The following SLC4A10 variants were observed in gnomAD, a reference collection of about 807,000 sequenced individuals.
The protein encoded by SLC4A10 is solute carrier family 4 member 10, also known as sodium-driven chloride bicarbonate exchanger.
Under a neutral mutation model 137.7 loss-of-function variants are expected in SLC4A10, and 42 were observed. The observed-to-expected ratio is 0.30, with a 90% CI of 0.24 to 0.39. The LOEUF is 0.39. Ranked by LOEUF, SLC4A10 falls within the 10% of genes least tolerant of loss-of-function variation. The pLI is 1.00. For missense variants in SLC4A10, 925 were observed against 1,355.0 expected, an observed-to-expected ratio of 0.68 and a Z score of 4.98; for synonymous variants, 474 against 464.1, an observed-to-expected ratio of 1.02 and a Z score of -0.27.
chr2:161,808,715 G>A (rs2056254856), intron 3 of SLC4A10, among the ~76,000 whole-genome samples: 1 of 152,098 alleles, frequency 6.6e-6, no homozygotes, highest in Admixed American at 6.6e-5. Context: ...ATGATCTCCA[G>A]CTGCATTCAT....
rs1018907037 is a variant in SLC4A10, at chr2:161,832,358, G to A, written c.278-7431G>A. On this transcript the variant is annotated intron_variant, in intron 3 of 26. Coordinates refer to ENST00000446997, the MANE Select transcript of SLC4A10 (RefSeq NM_001178015.2). ...ATCCTGATACCCTTCACAATTCTTG[G>A]CAGTTTTGGCAGTGAGGAAGGGATA... 3.4e-4 allele frequency among the ~76,000 whole-genome samples: 52 copies of A among 152,266 alleles called. 1 individual carries two copies. The Middle Eastern group carries it at 0.01, about 30-fold the overall frequency.
In SLC4A10 at chr2:161,757,738, A is replaced by G. The variant is rs760439595; in HGVS notation, c.49-13235A>G. On this transcript the variant is annotated intron_variant, in intron 1 of 26. Transcript: ENST00000446997. ...CCAATTGAAAGTATGAATTCAATAC[A>G]TGGGAACTATTTGTAGCTACAATGC... 4.5e-4 allele frequency among the ~76,000 whole-genome samples: 68 copies of G among 152,268 alleles called. 1 individual carries two copies. Among genetic ancestry groups the G allele is most frequent in the Admixed American group, 5.9e-4 (9 of 15,288 alleles).
At chr2:161,702,909 A>T (rs946473262) in intron 1 of SLC4A10, among the ~76,000 whole-genome samples, 1 of 151,796 alleles carries the variant, frequency 6.6e-6, no homozygotes, top group Non-Finnish European at 1.5e-5. Context: ...TACAAAGATA[A>T]GTCTATTTGG....
chr2:161,819,173 A>G (rs898582669), intron 3 of SLC4A10, among the ~76,000 whole-genome samples: 5 of 152,126 alleles, frequency 3.3e-5, no homozygotes, highest in Non-Finnish European at 7.4e-5. Flanking sequence ...CAGGTAAAAG[A>G]ATAGGCCTTT....
At chr2:161,784,302 A>G (rs1164323006) in intron 2 of SLC4A10, among the ~76,000 whole-genome samples, 2 of 151,866 alleles carry the variant, frequency 1.3e-5, no homozygotes, top group Non-Finnish European at 2.9e-5. Flanking sequence ...ATATTTCAAT[A>G]CCTCATTTTG....
At chr2:161,923,982 A>G (rs1688615826) in intron 15 of SLC4A10, among the ~76,000 whole-genome samples, 1 of 152,134 alleles carries the variant, frequency 6.6e-6, no homozygotes, top group African/African-American at 2.4e-5. Flanking sequence ...ACCTGGCTGG[A>G]GACCTCAGTG....
intron 23 of SLC4A10, among the ~76,000 whole-genome samples, chr2:161,967,221 C>G (rs1315018648): frequency 6.6e-6 from 1 of 152,142 alleles, no homozygotes; most frequent in Non-Finnish European, 1.5e-5. Flanking sequence ...CCATTAGGTT[C>G]ATTGGCGTGT....
intron 15 of SLC4A10, among the ~76,000 whole-genome samples, chr2:161,936,078 G>A (rs1181456934): frequency 6.6e-6 from 1 of 152,052 alleles, no homozygotes; most frequent in East Asian, 1.9e-4. Flanking sequence ...TTAATGTAGT[G>A]TATCACATTT....
chr2:161,809,373 A>C (rs181625126), intron 3 of SLC4A10, among the ~76,000 whole-genome samples: 1 of 152,170 alleles, frequency 6.6e-6, no homozygotes, highest in East Asian at 1.9e-4. Flanking sequence ...GAGGCTCTTT[A>C]GTTTAATTAG....
chr2:161,745,090 A>G (rs1490621429), intron 1 of SLC4A10, among the ~76,000 whole-genome samples: 1 of 152,034 alleles, frequency 6.6e-6, no homozygotes, highest in African/African-American at 2.4e-5. Context: ...TTGAATATTG[A>G]TATTTTTCTC....
intron 6 of SLC4A10, among the ~76,000 whole-genome samples, chr2:161,870,033 A>T (rs1015763256): frequency 9.9e-5 from 15 of 151,454 alleles, no homozygotes; most frequent in Admixed American, 5.3e-4. Flanking sequence ...TTATAAAAAT[A>T]GTTTCTAAAT....
chr2:161,851,841 C>A (rs1296551043), intron 4 of SLC4A10, among the ~76,000 whole-genome samples: 4 of 152,086 alleles, frequency 2.6e-5, no homozygotes, highest in Non-Finnish European at 5.9e-5. Flanking sequence ...GAAGACTTTT[C>A]AGGATTTTGT....
intron 1 of SLC4A10, among the ~76,000 whole-genome samples, chr2:161,662,644 C>A (rs937377736): frequency 6.6e-6 from 1 of 152,138 alleles, no homozygotes; most frequent in Non-Finnish European, 1.5e-5. Context: ...GAAACCAGTA[C>A]ATTTCAACTT....
At chr2:161,656,312 T>C (rs1043591568) in intron 1 of SLC4A10, among the ~76,000 whole-genome samples, 2 of 152,234 alleles carry the variant, frequency 1.3e-5, no homozygotes, top group African/African-American at 2.4e-5. Flanking sequence ...AGGATTCTTT[T>C]GTATTTTGAG....
intron 1 of SLC4A10, among the ~76,000 whole-genome samples, chr2:161,652,441 A>T (rs1386343772): frequency 6.6e-6 from 1 of 152,172 alleles, no homozygotes; most frequent in Non-Finnish European, 1.5e-5. Context: ...ACACACACAC[A>T]TATGTGAAGA....
chr2:161,636,869 T>A (rs1470893682), intron 1 of SLC4A10, among the ~76,000 whole-genome samples: 1 of 150,926 alleles, frequency 6.6e-6, no homozygotes, highest in Non-Finnish European at 1.5e-5. Flanking sequence ...AATTTTTTTA[T>A]TTTTTTATTT....
chr2:161,644,068 C>CTTTTTTT (rs5835873), intron 1 of SLC4A10, among the ~76,000 whole-genome samples: 3 of 143,730 alleles, frequency 2.1e-5, no homozygotes, highest in Non-Finnish European at 1.5e-5. Flanking sequence ...GGCTTCTAAT[C>CTTTTTTT]TTTTTTTTTT....
intron 1 of SLC4A10, among the ~76,000 whole-genome samples, chr2:161,685,171 C>T (rs1374227741): frequency 2.0e-5 from 3 of 152,150 alleles, no homozygotes; most frequent in African/African-American, 7.2e-5. Context: ...CTTCTAAGCA[C>T]TACTGGATAG....
intron 7 of SLC4A10, among the ~76,000 whole-genome samples, chr2:161,872,847 G>A (rs1475053927): frequency 6.6e-6 from 1 of 152,100 alleles, no homozygotes; most frequent in African/African-American, 2.4e-5. Context: ...CCGAGTAGCT[G>A]GGATTACAGG....
Sources: gnomAD v4.1 joint callset for allele counts (sites outside exome capture counted in the v4.1 genomes callset) on GRCh38, gnomAD v4.1.1 for gene constraint, MANE v1.5 for transcripts, NCBI Gene and HGNC (gene_info 2026-07-23, HGNC 2026-07-21) for gene names.